Variants in CDKN2B-AS1 observed in about 807,000 individuals in gnomAD.
CDKN2B-AS1 encodes the protein CDKN2B antisense RNA 1 (non-protein coding).
intron 4 of CDKN2B-AS1, among the ~76,000 whole-genome samples, chr9:22,091,051 C>T (rs1825064863): frequency 6.6e-6 from 1 of 152,260 alleles, no homozygotes; most frequent in African/African-American, 2.4e-5. Flanking sequence ...ATATGGCTAG[C>T]CAGTTTTCCC....
At chr9:22,027,166 A>G (rs1403035696) in intron 1 of CDKN2B-AS1, among the ~76,000 whole-genome samples, 1 of 134,910 alleles carries the variant, frequency 7.4e-6, no homozygotes, top group Admixed American at 7.6e-5. Flanking sequence ...TCCTGCCCTA[A>G]ACCTTTCTAG....
At chr9:22,119,873 A>G (rs1001308571) in intron 4 of CDKN2B-AS1, 3 of 152,234 alleles carry the variant, frequency 2.0e-5, no homozygotes, top group African/African-American at 7.2e-5. Context: ...TTAGCAGTCA[A>G]GTTAAAACAA....
intron 1 of CDKN2B-AS1, chr9:22,004,597 G>A (rs1821076484): frequency 4.3e-6 from 1 of 232,314 alleles, no homozygotes; most frequent in Admixed American, 5.6e-5. Flanking sequence ...TTAAAGTAGT[G>A]AAGTATCAGT....
intron 4 of CDKN2B-AS1, among the ~76,000 whole-genome samples, chr9:22,057,732 G>A (rs1178912422): frequency 2.7e-5 from 4 of 150,904 alleles, no homozygotes; most frequent in Non-Finnish European, 5.9e-5. Flanking sequence ...GCTTGAGCCT[G>A]CGAGGTGGAG....
At chr9:22,067,798 T>G (rs564659474) in intron 4 of CDKN2B-AS1, among the ~76,000 whole-genome samples, 17 of 152,296 alleles carry the variant, frequency 1.1e-4, no homozygotes, top group Admixed American at 3.9e-4. Context: ...ATGTTCCAGT[T>G]CAGCAAAACA....
chr9:22,046,150 T>C (rs1433011920), intron 1 of CDKN2B-AS1, among the ~76,000 whole-genome samples: 1 of 152,096 alleles, frequency 6.6e-6, no homozygotes, highest in Non-Finnish European at 1.5e-5. Flanking sequence ...AGTACTGTAA[T>C]TTGTCTACTT....
chr9:22,088,431 A>G (rs1824939802), intron 4 of CDKN2B-AS1, among the ~76,000 whole-genome samples: 1 of 123,434 alleles, frequency 8.1e-6, no homozygotes, highest in Non-Finnish European at 1.6e-5. Flanking sequence ...ACACATACAC[A>G]AATGTGCAAG....
At position 21,995,753 on chromosome 9, in the gene CDKN2B-AS1, G is replaced by C. The variant is rs527921455; in HGVS notation, n.29+592G>C. 1.3e-5 allele frequency: 2 copies of C among 152,240 alleles called. No homozygotes were observed. The highest frequency in any genetic ancestry group is 2.9e-5 in the Non-Finnish European group (2 of 68,058). 9.4% of individuals were successfully genotyped at this position (152,240 alleles called of 1,614,324 possible). On this transcript the variant is annotated intron_variant and non_coding_transcript_variant, in intron 1 of 4. Coordinates refer to ENST00000650946, the Ensembl canonical transcript of CDKN2B-AS1. The surrounding 1 kb of genome is among the most constrained non-coding windows in gnomAD (Gnocchi z 5.7). The stretch of plus-strand genomic sequence containing the variant: ...CCTGAGCGCGGTCTAAGCGAGGCTC[G>C]GCTCTCGTCCAGGAACTCGGACGCG...
chr9:22,083,333 G>A (rs1262689511), intron 4 of CDKN2B-AS1, among the ~76,000 whole-genome samples: 5 of 152,168 alleles, frequency 3.3e-5, no homozygotes, highest in African/African-American at 4.8e-5. Context: ...GGGATGGAGT[G>A]CAGGGGATGC....
chr9:22,012,674 C>T (rs941789733), intron 1 of CDKN2B-AS1: 2 of 349,842 alleles, frequency 5.7e-6, no homozygotes, highest in Non-Finnish European at 1.1e-5. Context: ...AAACAGCGAC[C>T]TAACCTTGCC....
At chr9:22,111,549 A>G (rs72654226) in intron 4 of CDKN2B-AS1, among the ~76,000 whole-genome samples, 1 of 150,516 alleles carries the variant, frequency 6.6e-6, no homozygotes, top group Non-Finnish European at 1.5e-5. Flanking sequence ...TCAGATGTCA[A>G]AATGTGAAAA....
chr9:22,018,087 G>A (rs1821854809), intron 1 of CDKN2B-AS1, among the ~76,000 whole-genome samples: 1 of 152,140 alleles, frequency 6.6e-6, no homozygotes, highest in South Asian at 2.1e-4. Context: ...ACTTTGGGAG[G>A]CTGAGGTGGG....
rs1820739956 is a variant in CDKN2B-AS1 at position 21,997,487 on chromosome 9, G to GAA, written n.29+2327_29+2328insAA. On this transcript the variant is annotated intron_variant and non_coding_transcript_variant, in intron 1 of 4. Coordinates refer to ENST00000650946, the Ensembl canonical transcript of CDKN2B-AS1. This position sits in a 1 kb window ranked among gnomAD's most constrained non-coding sequence, Gnocchi z 4.8. ...GGAGAGAAAGAGAGGGAGGGAGAGA[G>GAA]AGAGAGAGAGAGAGAGAAAGAGAAA... 6.6e-6 allele frequency among the ~76,000 whole-genome samples: 1 copy of GAA among 151,878 alleles called. No individual in the cohort carries two copies. Among genetic ancestry groups the GAA allele is most frequent in the South Asian group, 2.1e-4 (1 of 4,810 alleles).
At chr9:22,029,568 G>A (rs775602163) in intron 1 of CDKN2B-AS1, 24 of 777,468 alleles carry the variant, frequency 3.1e-5, no homozygotes, top group Non-Finnish European at 5.3e-5. Context: ...GGTGTGGTAT[G>A]TGCCACTGAG....
chr9:22,126,636 T>A (rs943120663), intron 4 of CDKN2B-AS1, among the ~76,000 whole-genome samples: 8 of 141,322 alleles, frequency 5.7e-5, no homozygotes, highest in South Asian at 2.3e-4. Flanking sequence ...GCAGTGGCGC[T>A]ATCTCGGCTC....
Position 22,006,263 on chromosome 9 carries a change from G to C in CDKN2B-AS1, n.29+11102G>C. On this transcript the variant is annotated intron_variant and non_coding_transcript_variant, in intron 1 of 4. Coordinates refer to ENST00000650946, the Ensembl canonical transcript of CDKN2B-AS1. This position sits in a 1 kb window ranked among gnomAD's most constrained non-coding sequence, Gnocchi z 6.4. ...TCATCATGACCTGCCAGAGAGAGCA[G>C]AGTGGTCAGAGCCAGGGTGGGGGCA... 1 of 1,602,054 alleles carries C rather than the reference G, an allele frequency of 6.2e-7. No individual in the cohort carries two copies. The highest frequency in any genetic ancestry group is 8.5e-7 in the Non-Finnish European group (1 of 1,179,862).
intron 4 of CDKN2B-AS1, among the ~76,000 whole-genome samples, chr9:22,091,897 T>C (rs923656564): frequency 3.3e-5 from 5 of 152,200 alleles, no homozygotes; most frequent in Non-Finnish European, 5.9e-5. Context: ...CCCTGTCTTG[T>C]GCCAGTTTTC....
chr9:22,062,046 T>C (rs1000096816), intron 4 of CDKN2B-AS1: 3 of 152,156 alleles, frequency 2.0e-5, no homozygotes, highest in Non-Finnish European at 4.4e-5. Context: ...TTTGGAACAA[T>C]TTTTTAGAGT....
At chr9:22,110,818 T>G (rs1362475185) in intron 4 of CDKN2B-AS1, among the ~76,000 whole-genome samples, 1 of 152,128 alleles carries the variant, frequency 6.6e-6, no homozygotes, top group Non-Finnish European at 1.5e-5. Flanking sequence ...CTATCCAAAT[T>G]TTGTGCCAAA....
Sources: allele counts gnomAD v4.1 joint callset (sites outside exome capture counted in the v4.1 genomes callset), GRCh38; gene constraint gnomAD v4.1.1; non-coding constraint Gnocchi (gnomAD v3.1); transcripts MANE v1.5; gene names NCBI Gene and HGNC (gene_info 2026-07-23, HGNC 2026-07-21).